The following OSBPL11 variants were observed in gnomAD, a reference collection of about 807,000 sequenced individuals.
OSBPL11 encodes oxysterol binding protein like 11.
In OSBPL11, 33 loss-of-function variants were observed where a neutral mutation model predicts 84.4. That is an observed-to-expected ratio of 0.39 (90% confidence interval 0.30 to 0.52). The LOEUF is 0.52. Among genes scored for constraint, OSBPL11 ranks in the 20% least tolerant of loss-of-function variants. The pLI, the probability that OSBPL11 is intolerant of heterozygous loss-of-function variation, is 0.72. For synonymous variants in OSBPL11, 276 were observed against 310.2 expected (o/e 0.89, Z 1.16); for missense variants, 736 against 901.1 (o/e 0.82, Z 2.35).
intron 2 of OSBPL11, among the ~76,000 whole-genome samples, chr3:125,580,283 G>C (rs1373645708): frequency 6.6e-6 from 1 of 152,174 alleles, no homozygotes; most frequent in Non-Finnish European, 1.5e-5. Context: ...GGGAGGCAGA[G>C]GCGAGCGGAT....
At chr3:125,572,468 C>T (rs1253912939) in intron 5 of OSBPL11, among the ~76,000 whole-genome samples, 2 of 152,064 alleles carry the variant, frequency 1.3e-5, no homozygotes, top group South Asian at 2.1e-4. Flanking sequence ...TGGCTGTGTC[C>T]CCACCCAAAT....
intron 1 of OSBPL11, among the ~76,000 whole-genome samples, chr3:125,590,048 A>C (rs1210981880): frequency 6.6e-6 from 1 of 152,204 alleles, no homozygotes; most frequent in African/African-American, 2.4e-5. Flanking sequence ...GAATTTCTCT[A>C]CAAGCTGACA....
In OSBPL11 at chr3:125,534,931, G is replaced by A. The variant is rs1202118249; in HGVS notation, c.2025-2917C>T. 1.3e-4 allele frequency among the ~76,000 whole-genome samples: 13 copies of A among 100,908 alleles called. No individual in the cohort carries two copies. The Admixed American group carries it at 1.4e-3, about 11-fold the overall frequency. The allele number at this position is 100,908 out of a possible 152,430, so 66.2% of individuals were successfully genotyped here. ...AAAAGTTTGCTGACCCCTAACCTAA[G>A]CTTCCATTGTAAGAAATTAGAAAAA... On this transcript the variant is annotated intron_variant, in intron 11 of 12. Coordinates refer to ENST00000296220, the MANE Select transcript of OSBPL11 (RefSeq NM_022776.5).
intron 1 of OSBPL11, among the ~76,000 whole-genome samples, chr3:125,594,369 T>C (rs1936647733): frequency 1.3e-5 from 2 of 152,218 alleles, no homozygotes; most frequent in South Asian, 4.1e-4. Context: ...CAGAATTAAA[T>C]CTGAGGAAGC....
At chr3:125,564,285 G>T (rs1345996419) in intron 6 of OSBPL11, among the ~76,000 whole-genome samples, 2 of 152,178 alleles carry the variant, frequency 1.3e-5, no homozygotes, top group African/African-American at 4.8e-5. Context: ...AGCAACAATT[G>T]TCTAACCAAT....
At chr3:125,568,232 C>T (rs1936190540) in intron 5 of OSBPL11, among the ~76,000 whole-genome samples, 1 of 151,832 alleles carries the variant, frequency 6.6e-6, no homozygotes, top group Admixed American at 6.6e-5. Context: ...GAGATCGAGA[C>T]CATCCTGGCT....
rs1936071656 is a variant in OSBPL11 at position 125,561,141 on chromosome 3, G to A, written c.1015-622C>T. Among the ~76,000 whole-genome samples the A allele has an allele frequency of 2.0e-5, 3 of 151,858 alleles. No homozygotes were observed. In the South Asian group the frequency reaches 6.2e-4, roughly 32 times the overall value. On this transcript the variant is annotated intron_variant, in intron 7 of 12. Transcript: ENST00000296220. ...CCCTCCCAAGTAGCTGGGACTACAG[G>A]CATACACCACCACACCTGGCTAATT...
intron 9 of OSBPL11, among the ~76,000 whole-genome samples, chr3:125,548,030 C>G (rs1935845381): frequency 6.6e-6 from 1 of 152,102 alleles, no homozygotes; most frequent in South Asian, 2.1e-4. Flanking sequence ...GTGCCCGCCA[C>G]CATACCTAGC....
At chr3:125,564,310 G>A (rs1304927201) in intron 6 of OSBPL11, among the ~76,000 whole-genome samples, 3 of 152,108 alleles carry the variant, frequency 2.0e-5, no homozygotes, top group African/African-American at 2.4e-5. Flanking sequence ...ATAATCCCCC[G>A]GATCTAATTT....
chr3:125,553,779 T>C (rs964411800), intron 8 of OSBPL11, among the ~76,000 whole-genome samples: 1 of 152,218 alleles, frequency 6.6e-6, no homozygotes, highest in African/African-American at 2.4e-5. Flanking sequence ...TTGAAGATGA[T>C]ACAAATAATA....
chr3:125,570,735 G>A (rs772037199), intron 5 of OSBPL11, among the ~76,000 whole-genome samples: 1 of 152,154 alleles, frequency 6.6e-6, no homozygotes, highest in Admixed American at 6.6e-5. Flanking sequence ...CATGTAAGAC[G>A]TGACTTGCTC....
rs1187447177 is a variant in OSBPL11 at position 125,595,304 on chromosome 3, G to A, written c.-504C>T. On this transcript the variant is annotated 5_prime_UTR_variant, in exon 1 of 13. Coordinates refer to ENST00000296220, the MANE Select transcript of OSBPL11 (RefSeq NM_022776.5). ...CAGCCCCCGAGATACAGCCAGGGCC[G>A]GCGCGCGCAGCCGGGGAGGAGGGTC... is the stretch of plus-strand genomic sequence containing the variant. 1.3e-5 allele frequency among the ~76,000 whole-genome samples: 2 copies of A among 152,112 alleles called. No individual in the cohort carries two copies. The highest frequency in any genetic ancestry group is 2.9e-5 in the Non-Finnish European group (2 of 67,988).
chr3:125,577,459 C>A (rs544732532), intron 4 of OSBPL11, among the ~76,000 whole-genome samples: 1 of 152,120 alleles, frequency 6.6e-6, no homozygotes, highest in South Asian at 2.1e-4. Flanking sequence ...CAATAAGATT[C>A]CACTTCATAT....
chr3:125,592,147 A>C (rs974001013), intron 1 of OSBPL11, among the ~76,000 whole-genome samples: 2 of 152,284 alleles, frequency 1.3e-5, no homozygotes, highest in African/African-American at 4.8e-5. Flanking sequence ...TGGAGCCTAG[A>C]ACTCAAGCAA....
chr3:125,581,410 G>A (rs954863588), intron 2 of OSBPL11, among the ~76,000 whole-genome samples: 8 of 150,372 alleles, frequency 5.3e-5, no homozygotes, highest in East Asian at 2.1e-4. Context: ...AAAAAGGAAC[G>A]CTAGGCCAGA....
At chr3:125,541,498 G>T (rs1244253858) in intron 10 of OSBPL11, among the ~76,000 whole-genome samples, 1 of 152,156 alleles carries the variant, frequency 6.6e-6, no homozygotes, top group African/African-American at 2.4e-5. Flanking sequence ...TAAATTATTT[G>T]TCAAGCCTTG....
chr3:125,575,312 T>A (rs551571091), intron 5 of OSBPL11, among the ~76,000 whole-genome samples: 1 of 152,236 alleles, frequency 6.6e-6, no homozygotes, highest in East Asian at 1.9e-4. Flanking sequence ...ATTTAATGAT[T>A]CTATATGTTT....
rs542311196 is a variant in OSBPL11 at position 125,530,462 on chromosome 3, A to C, written c.*53T>G. On this transcript the variant is annotated 3_prime_UTR_variant, in exon 13 of 13. Transcript: ENST00000296220. ...AGTGCAATGACTCCATTCTGGGAGG[A>C]TTTAGGGTAAACAGAGAAGAACCTC... The C allele has an allele frequency of 6.6e-7, 1 of 1,511,716 alleles. No homozygotes were observed. The highest frequency in any genetic ancestry group is 1.7e-5 in the Admixed American group (1 of 59,556). 93.6% of individuals were successfully genotyped at this position (1,511,716 alleles called of 1,614,324 possible).
chr3:125,535,068 G>A (rs139214533), intron 11 of OSBPL11, among the ~76,000 whole-genome samples: 18 of 150,610 alleles, frequency 1.2e-4, no homozygotes, highest in Non-Finnish European at 7.4e-5. Flanking sequence ...TTAAATCAGT[G>A]AAGCCAAAAT....
Sources: gnomAD v4.1 joint callset for allele counts (sites outside exome capture counted in the v4.1 genomes callset) on GRCh38, gnomAD v4.1.1 for gene constraint, MANE v1.5 for transcripts, NCBI Gene and HGNC (gene_info 2026-07-23, HGNC 2026-07-21) for gene names.